Variants in AGAP1 observed in about 807,000 individuals in gnomAD.
AGAP1 encodes arf-GAP with GTPase, ANK repeat and PH domain-containing protein 1.
A neutral mutation model predicts 105.3 loss-of-function variants in AGAP1; 29 were observed. That is an observed-to-expected ratio of 0.28 (90% CI 0.21 to 0.38). AGAP1 has a LOEUF of 0.38. Among genes scored for constraint, AGAP1 ranks in the 10% least tolerant of loss-of-function variants. The pLI, the probability that AGAP1 is intolerant of heterozygous loss-of-function variation, is 1.00. For missense variants in AGAP1, 998 were observed against 1,165.1 expected (o/e 0.86, Z 2.09); for synonymous variants, 509 against 485.9 (o/e 1.05, Z -0.63).
chr2:235,917,943 C>T (rs901388720), intron 11 of AGAP1, among the ~76,000 whole-genome samples: 3 of 152,134 alleles, frequency 2.0e-5, no homozygotes, highest in African/African-American at 7.2e-5. Flanking sequence ...AAAAAAATAA[C>T]GTGACATCAA....
chr2:235,940,862 C>G (rs2053227744), intron 12 of AGAP1, among the ~76,000 whole-genome samples: 1 of 152,116 alleles, frequency 6.6e-6, no homozygotes, highest in African/African-American at 2.4e-5. Context: ...CTGTGTCCAT[C>G]CCATCATCAC....
At chr2:235,834,886 T>C (rs1959936795) in intron 9 of AGAP1, among the ~76,000 whole-genome samples, 1 of 152,178 alleles carries the variant, frequency 6.6e-6, no homozygotes, top group Admixed American at 6.5e-5. Flanking sequence ...GGAGAGCCTG[T>C]CTTAATCACG....
rs1952540557 is a variant in AGAP1 at position 235,740,884 on chromosome 2, C to CA, written c.311-78dup. 4 of 1,577,078 alleles carry CA rather than the reference C, an allele frequency of 2.5e-6. No individual in the cohort carries two copies. In the South Asian group the frequency reaches 3.4e-5, roughly 13 times the overall value. On this transcript the variant is annotated intron_variant, in intron 3 of 17. Transcript: ENST00000304032. This position sits in a 1 kb window ranked among gnomAD's most constrained non-coding sequence, Gnocchi z 5.7. ...GGCGACAGCCTAGGGTGTATTTTTC[C>CA]ACAAGCGAAGCCCACGTCTGTCTGC... is the stretch of plus-strand genomic sequence containing the variant.
chr2:235,596,502 T>C lies in AGAP1; in HGVS notation c.163+101653T>C, dbSNP rs1945530135. Among the ~76,000 whole-genome samples the C allele has an allele frequency of 6.6e-6, 1 of 152,170 alleles. No homozygotes were observed. The highest frequency in any genetic ancestry group is 6.5e-5 in the Admixed American group (1 of 15,276). ...CAAGGTGGACCTGAGAGTCTGTGTT[T>C]CTGGTGAGCCACAGGTAGCACCCCG... is the stretch of plus-strand genomic sequence containing the variant. On this transcript the variant is annotated intron_variant, in intron 1 of 17. Transcript: ENST00000304032. The surrounding 1 kb of genome is among the most constrained non-coding windows in gnomAD (Gnocchi z 5.9).
chr2:235,547,929 C>T (rs1190380112), intron 1 of AGAP1, among the ~76,000 whole-genome samples: 1 of 152,200 alleles, frequency 6.6e-6, no homozygotes, highest in African/African-American at 2.4e-5. Context: ...CAGAAAAGAG[C>T]CCGGTGAAAT....
chr2:235,968,760 C>T, intron 13 of AGAP1, 137 bp downstream of exon 13: 1 of 901,224 alleles, frequency 1.1e-6, no homozygotes, highest in Non-Finnish European at 1.6e-6. Flanking sequence ...TTTCTGTTTG[C>T]AAGGTGGCAC....
intron 1 of AGAP1, among the ~76,000 whole-genome samples, chr2:235,497,980 T>G (rs2148994820): frequency 6.6e-6 from 1 of 152,302 alleles, no homozygotes; most frequent in South Asian, 2.1e-4. Context: ...TGCACCCTAC[T>G]CAAAACTTCA....
chr2:235,727,394 G>C (rs972901633), intron 3 of AGAP1, among the ~76,000 whole-genome samples: 2 of 152,106 alleles, frequency 1.3e-5, no homozygotes, highest in African/African-American at 2.4e-5. Flanking sequence ...CACAGATCAC[G>C]TTACACCCAG....
At chr2:235,521,081 T>C (rs1942594109) in intron 1 of AGAP1, among the ~76,000 whole-genome samples, 2 of 152,350 alleles carry the variant, frequency 1.3e-5, no homozygotes, top group Non-Finnish European at 2.9e-5. Context: ...CCTCATTTGC[T>C]TTGGGCTTCC....
rs10670064 is a variant in AGAP1 at position 235,687,899 on chromosome 2, C to CTTTT, written c.164-21263_164-21260dup. ...TTTCTTCTTAATCGCCGCTCTCTGA[C>CTTTT]TTTTTTTTTTTTTTTTTTTTGAGAT... On this transcript the variant is annotated intron_variant, in intron 1 of 17. Transcript: ENST00000304032. Among the ~76,000 whole-genome samples the CTTTT allele has an allele frequency of 2.0e-3, 183 of 89,652 alleles. 7 individuals are homozygous for CTTTT. The highest frequency in any genetic ancestry group is 2.6e-3 in the African/African-American group (58 of 22,700). The allele number at this position is 89,652 out of a possible 152,430, so 58.8% of individuals were successfully genotyped here.
intron 6 of AGAP1, 130 bp from the exon 7 acceptor site, chr2:235,797,629 A>G: frequency 1.6e-6 from 2 of 1,223,144 alleles, no homozygotes; most frequent in Non-Finnish European, 2.3e-6. Flanking sequence ...TTGCCCACCT[A>G]AGAACCAGGA....
chr2:235,617,809 T>C (rs1009820645), intron 1 of AGAP1, among the ~76,000 whole-genome samples: 3 of 152,206 alleles, frequency 2.0e-5, no homozygotes, highest in Admixed American at 1.3e-4. Flanking sequence ...TGTTTTTTGT[T>C]TTTAAAAACA....
intron 2 of AGAP1, among the ~76,000 whole-genome samples, chr2:235,710,496 G>GC (rs748080486): frequency 2.6e-5 from 4 of 152,076 alleles, no homozygotes; most frequent in African/African-American, 4.8e-5. Flanking sequence ...CCCGGTGTCT[G>GC]CCCCCCGCCC....
At chr2:235,853,045 T>C in intron 9 of AGAP1, 7 of 1,241,088 alleles carry the variant, frequency 5.6e-6, no homozygotes, top group Non-Finnish European at 6.1e-6. Flanking sequence ...CCTTAATTTC[T>C]ATAGCGGGCA....
At chr2:235,929,320 G>A (rs921549250) in intron 11 of AGAP1, among the ~76,000 whole-genome samples, 11 of 151,394 alleles carry the variant, frequency 7.3e-5, no homozygotes, top group African/African-American at 2.4e-4. Context: ...TTTCTCGAAT[G>A]CCTCTTGGCG....
intron 15 of AGAP1, among the ~76,000 whole-genome samples, chr2:236,047,569 T>G (rs1320786262): frequency 1.3e-5 from 2 of 149,874 alleles, no homozygotes; most frequent in African/African-American, 4.9e-5. Flanking sequence ...AGAACCTCTC[T>G]GAGGTCACAG....
At chr2:235,511,018 G>A (rs909834673) in intron 1 of AGAP1, among the ~76,000 whole-genome samples, 2 of 151,984 alleles carry the variant, frequency 1.3e-5, no homozygotes, top group African/African-American at 2.4e-5. Context: ...GGTGTATGGC[G>A]TGCAAGCATT....
intron 1 of AGAP1, among the ~76,000 whole-genome samples, chr2:235,560,508 G>C (rs1299258309): frequency 5.9e-5 from 9 of 152,134 alleles, no homozygotes; most frequent in Non-Finnish European, 1.3e-4. Flanking sequence ...ACTTTGAGAT[G>C]GATGATCTTG....
Position 236,001,761 on chromosome 2 carries a change from G to A in AGAP1, c.1645+33138G>A, listed in dbSNP as rs1438954529. On this transcript the variant is annotated intron_variant, in intron 13 of 17. Coordinates refer to ENST00000304032, the MANE Select transcript of AGAP1 (RefSeq NM_001037131.3). This position sits in a 1 kb window ranked among gnomAD's most constrained non-coding sequence, Gnocchi z 4.7. Reference sequence around the variant, plus strand: ...TTTTACTTTTCTAATTTAACACCCCGTGGGTCTCCAGTTCTTCCACAAGCT... The same window carrying A: ...TTTTACTTTTCTAATTTAACACCCCATGGGTCTCCAGTTCTTCCACAAGCT... Among the ~76,000 whole-genome samples the A allele has an allele frequency of 2.6e-5, 4 of 152,154 alleles. No individual in the cohort carries two copies. The highest frequency in any genetic ancestry group is 2.1e-4 in the South Asian group (1 of 4,822).
Sources: allele counts gnomAD v4.1 joint callset (sites outside exome capture counted in the v4.1 genomes callset), GRCh38; gene constraint gnomAD v4.1.1; non-coding constraint Gnocchi (gnomAD v3.1); transcripts MANE v1.5; gene names NCBI Gene and HGNC (gene_info 2026-07-23, HGNC 2026-07-21).